PTGR1: variants seen among roughly 807,000 people sequenced by gnomAD.
PTGR1 encodes the protein 15-oxoprostaglandin 13-reductase.
In PTGR1, 23 loss-of-function variants were observed where a neutral mutation model predicts 37.7. The observed-to-expected ratio is 0.61, with a 90% CI of 0.44 to 0.86. The LOEUF is 0.86. Among genes scored for constraint, PTGR1 ranks in the 40% least tolerant of loss-of-function variants. The pLI, the probability that PTGR1 is intolerant of heterozygous loss-of-function variation, is 0.00. For synonymous variants in PTGR1, 134 were observed against 140.0 expected (o/e 0.96, Z 0.30); for missense variants, 351 against 394.3 (o/e 0.89, Z 0.93).
At chr9:111,574,627 A>T in intron 8 of PTGR1, 107 bp downstream of exon 8, 2 of 721,950 alleles carry the variant, frequency 2.8e-6, no homozygotes, top group Non-Finnish European at 4.4e-6. Context: ...AAAAGAATAT[A>T]TGAAAATCTT....
intron 9 of PTGR1, among the ~76,000 whole-genome samples, chr9:111,557,394 C>T (rs1828155338): frequency 6.6e-6 from 1 of 151,620 alleles, no homozygotes; most frequent in Admixed American, 6.6e-5. Flanking sequence ...AAAAAGATGA[C>T]TTGAACACAT....
intron 4 of PTGR1, among the ~76,000 whole-genome samples, chr9:111,591,073 C>G (rs1418397335): frequency 6.6e-6 from 1 of 152,046 alleles, no homozygotes; most frequent in Non-Finnish European, 1.5e-5. Context: ...GGGCGGATCA[C>G]CTGAGGTCGG....
intron 9 of PTGR1, among the ~76,000 whole-genome samples, chr9:111,565,258 C>T (rs961616390): frequency 1.3e-5 from 2 of 152,092 alleles, no homozygotes; most frequent in Non-Finnish European, 2.9e-5. Context: ...AAAAGGAAGC[C>T]ATCTACAAGT....
chr9:111,558,413 C>A (rs999644581), downstream of PTGR1, among the ~76,000 whole-genome samples: 3 of 152,160 alleles, frequency 2.0e-5, no homozygotes, highest in African/African-American at 7.2e-5. Flanking sequence ...CATGGTGGCA[C>A]ATGCCTGTTG....
chr9:111,590,262 C>T (rs931870023), intron 4 of PTGR1, among the ~76,000 whole-genome samples: 2 of 152,132 alleles, frequency 1.3e-5, no homozygotes, highest in Non-Finnish European at 1.5e-5. Context: ...GCAAACTAAA[C>T]TAAGCATAAA....
At position 111,592,907 on chromosome 9, in the gene PTGR1, G is replaced by A. The variant is rs757121265; in HGVS notation, c.209+19C>T. 3.2e-6 allele frequency: 5 copies of A among 1,546,190 alleles called. No homozygotes were observed. The South Asian group carries it at 5.8e-5, about 18-fold the overall frequency. On this transcript the variant is annotated intron_variant, in intron 4 of 9. Coordinates refer to ENST00000407693, the MANE Select transcript of PTGR1 (RefSeq NM_001146108.2). ...AGGAGACATATTTTCCAAGCACTGG[G>A]ACAAATGGAAATAATTACTTGGCCA...
rs894107950 is a variant in PTGR1, at chr9:111,568,143, C to T, written c.879+1948G>A. The stretch of plus-strand genomic sequence containing the variant: ...GACAACCATAAGGTCTAACTGCCTG[C>T]GGGGTTGGGAAAAACACAGCCATAT... On this transcript the variant is annotated intron_variant, in intron 9 of 9. Transcript: ENST00000407693. Among the ~76,000 whole-genome samples, 8 of 152,144 alleles carry T rather than the reference C, an allele frequency of 5.3e-5. No homozygotes were observed. The East Asian group carries it at 5.8e-4, about 11-fold the overall frequency.
chr9:111,556,637 C>A (rs528921049), intron 9 of PTGR1, among the ~76,000 whole-genome samples: 2 of 152,172 alleles, frequency 1.3e-5, no homozygotes, highest in Non-Finnish European at 2.9e-5. Context: ...TCCAATGCTG[C>A]GGGAGGGACC....
chr9:111,568,793 A>T (rs1828686298), intron 9 of PTGR1, among the ~76,000 whole-genome samples: 2 of 152,198 alleles, frequency 1.3e-5, no homozygotes, highest in Non-Finnish European at 2.9e-5. Context: ...AATAGAAAGA[A>T]CCTATGTTGA....
In PTGR1 at chr9:111,586,039, T is replaced by G. The variant is rs768585781; in HGVS notation, c.336A>C (p.Thr112=). ...TCCCCAGAGCCAAAGACAGTGGTAT[T>G]GTGTCTGGCCACTCTGTCAGCAGCT... ...LEKLLTEWPD[T]IPLSLALGTV... The change falls in exon 5 of 10, where the codon ACA becomes ACC. Residue 112 remains threonine, a synonymous_variant. Coordinates refer to ENST00000407693, the MANE Select transcript of PTGR1 (RefSeq NM_001146108.2). 6.2e-7 allele frequency: 1 copy of G among 1,614,220 alleles called. No individual in the cohort carries two copies. The highest frequency in any genetic ancestry group is 1.1e-5 in the South Asian group (1 of 91,092).
chr9:111,556,505 G>A (rs190615092), intron 9 of PTGR1, among the ~76,000 whole-genome samples: 44 of 152,342 alleles, frequency 2.9e-4, no homozygotes, highest in Middle Eastern at 3.4e-3. Flanking sequence ...CTTCTGCCTT[G>A]ACATCCAGGC....
chr9:111,588,481 C>T (rs551717664), intron 4 of PTGR1, among the ~76,000 whole-genome samples: 19 of 151,894 alleles, frequency 1.3e-4, no homozygotes, highest in Non-Finnish European at 2.6e-4. Context: ...CTGCCCGCCT[C>T]GGCCTCCCAA....
intron 3 of PTGR1, 29 bp from the exon 4 acceptor site, chr9:111,593,011 A>G: frequency 6.5e-7 from 1 of 1,540,940 alleles, no homozygotes; most frequent in East Asian, 2.3e-5. Flanking sequence ...AAAAAAAAAA[A>G]AAAAAATAGG....
In PTGR1 at chr9:111,563,018, A is replaced by G. The variant is rs1243838794; in HGVS notation, c.*103T>C. The G allele has an allele frequency of 6.8e-7, 1 of 1,480,230 alleles. No individual in the cohort carries two copies. The highest frequency in any genetic ancestry group is 9.0e-7 in the Non-Finnish European group (1 of 1,116,718). The allele number at this position is 1,480,230 out of a possible 1,614,324, so 91.7% of individuals were successfully genotyped here. A position where few individuals can be genotyped will look rare whatever the true frequency, so the allele number is the denominator to read the frequency against. On this transcript the variant is annotated 3_prime_UTR_variant, in exon 10 of 10. Coordinates refer to ENST00000407693, the MANE Select transcript of PTGR1 (RefSeq NM_001146108.2). ...TAAGTAGCTCAAACTCATTATGAGT[A>G]CTATTTCTTAAGACATTTAAGGTAG...
At chr9:111,593,043 T>C in intron 3 of PTGR1, 61 bp from the exon 4 acceptor site, 2 of 1,517,892 alleles carry the variant, frequency 1.3e-6, no homozygotes, top group Non-Finnish European at 8.8e-7. Context: ...AATTCCATTC[T>C]TAATACATAG....
In PTGR1 at chr9:111,564,283, ATTATT is replaced by A. The variant is rs1025781977; in HGVS notation, c.880-1057_880-1053del. 5 of 384,434 alleles carry A rather than the reference ATTATT, an allele frequency of 1.3e-5. No homozygotes were observed. The Admixed American group carries it at 3.1e-4, about 24-fold the overall frequency. The allele number at this position is 384,434 out of a possible 1,614,324, so 23.8% of individuals were successfully genotyped here. On this transcript the variant is annotated intron_variant, in intron 9 of 9. Coordinates refer to ENST00000407693, the MANE Select transcript of PTGR1 (RefSeq NM_001146108.2). Reference sequence around the variant, plus strand: ...GGAAGCTGAAATTTAAACTTTTATTATTATTATTATTATTATTATTATTATTATTA... The same window carrying A: ...GGAAGCTGAAATTTAAACTTTTATTAATTATTATTATTATTATTATTATTA...
At chr9:111,598,446 G>C (rs192296871) in intron 1 of PTGR1, among the ~76,000 whole-genome samples, 1 of 152,130 alleles carries the variant, frequency 6.6e-6, no homozygotes. Flanking sequence ...AGGGAGCCAG[G>C]GGGGCGGTCT....
intron 5 of PTGR1, among the ~76,000 whole-genome samples, chr9:111,584,271 C>A (rs1453401860): frequency 6.6e-6 from 1 of 152,184 alleles, no homozygotes; most frequent in African/African-American, 2.4e-5. Flanking sequence ...AAAGTTTCCT[C>A]GTGTCTCCCT....
intron 6 of PTGR1, among the ~76,000 whole-genome samples, chr9:111,583,109 G>A (rs990791480): frequency 8.5e-5 from 13 of 152,236 alleles, no homozygotes; most frequent in African/African-American, 2.7e-4. Context: ...GGCCACGTGG[G>A]TGATGACTCT....
Sources: allele counts gnomAD v4.1 joint callset (sites outside exome capture counted in the v4.1 genomes callset), GRCh38; gene constraint gnomAD v4.1.1; transcripts MANE v1.5; gene names NCBI Gene and HGNC (gene_info 2026-07-23, HGNC 2026-07-21).